Variants in SPAG16 observed in about 807,000 individuals in gnomAD.
The protein encoded by SPAG16 is sperm associated antigen 16, also known as sperm-associated antigen 16 protein.
SPAG16 carries 86 observed loss-of-function variants against 80.4 expected under a neutral mutation model. The ratio of observed to expected loss-of-function variants is 1.07; its 90% CI spans 0.90 to 1.28. The LOEUF is 1.28. SPAG16 is among the 50% of genes most tolerant of loss of function. SPAG16 has a pLI of 0.00. For missense variants in SPAG16, 870 were observed against 765.3 expected, an observed-to-expected ratio of 1.14 and a Z score of -1.61; for synonymous variants, 294 against 265.9, an observed-to-expected ratio of 1.11 and a Z score of -1.03.
chr2:214,272,106 T>C (rs974000597), intron 15 of SPAG16, among the ~76,000 whole-genome samples: 1 of 152,186 alleles, frequency 6.6e-6, no homozygotes, highest in Admixed American at 6.5e-5. Flanking sequence ...CAAAGTGTCA[T>C]ATCTGTGCCA....
intron 3 of SPAG16, among the ~76,000 whole-genome samples, chr2:213,308,301 G>C (rs906977372): frequency 3.3e-5 from 5 of 151,828 alleles, no homozygotes; most frequent in African/African-American, 9.7e-5. Context: ...AATTTCATTT[G>C]TTGCTTGCTG....
chr2:213,678,860 T>C (rs7607479), intron 10 of SPAG16, among the ~76,000 whole-genome samples: 62,848 of 151,964 alleles, frequency 0.41, 13,921 homozygotes, highest in African/African-American at 0.56. Flanking sequence ...GAGGACACTC[T>C]ACTCTTACCG....
rs2064143648 is a variant in SPAG16, at chr2:213,677,453, G to A, written c.1071-185032G>A. 2.6e-5 allele frequency among the ~76,000 whole-genome samples: 4 copies of A among 152,056 alleles called. No homozygotes were observed. In the South Asian group the frequency reaches 8.3e-4, roughly 32 times the overall value. On this transcript the variant is annotated intron_variant, in intron 10 of 15. Transcript: ENST00000331683. ...CCAAGCAAATGGAAAACAAAAAAAG[G>A]CAGGGGTTGCAATCCTAGTCTCTGA...
intron 15 of SPAG16, among the ~76,000 whole-genome samples, chr2:214,303,755 A>T (rs1694723786): frequency 6.6e-6 from 1 of 152,122 alleles, no homozygotes; most frequent in Admixed American, 6.6e-5. Flanking sequence ...TATAAGTTAT[A>T]GGTTTGTTCA....
At chr2:213,488,078 G>C (rs2074066263) in intron 9 of SPAG16, among the ~76,000 whole-genome samples, 1 of 151,982 alleles carries the variant, frequency 6.6e-6, no homozygotes, top group African/African-American at 2.4e-5. Flanking sequence ...TGACCTAGGT[G>C]TTACTTCTTT....
intron 10 of SPAG16, among the ~76,000 whole-genome samples, chr2:213,765,223 G>T (rs1342713255): frequency 6.6e-6 from 1 of 152,118 alleles, no homozygotes; most frequent in Non-Finnish European, 1.5e-5. Flanking sequence ...ACAAAAATTA[G>T]CTGGGCGTGG....
intron 12 of SPAG16, among the ~76,000 whole-genome samples, chr2:213,966,384 T>C (rs1466382404): frequency 6.6e-6 from 1 of 152,194 alleles, no homozygotes; most frequent in Non-Finnish European, 1.5e-5. Context: ...ATTAAAGAGT[T>C]AAAAGTATAT....
At chr2:214,081,165 G>T (rs2051374092) in intron 13 of SPAG16, among the ~76,000 whole-genome samples, 1 of 151,274 alleles carries the variant, frequency 6.6e-6, no homozygotes, top group Non-Finnish European at 1.5e-5. Flanking sequence ...TATCTCTTTT[G>T]CTTCACTGAA....
At chr2:213,740,590 C>G (rs1382565935) in intron 10 of SPAG16, among the ~76,000 whole-genome samples, 1 of 152,202 alleles carries the variant, frequency 6.6e-6, no homozygotes, top group Non-Finnish European at 1.5e-5. Context: ...TGAATAAACT[C>G]CAGGGGGAAG....
intron 10 of SPAG16, among the ~76,000 whole-genome samples, chr2:213,857,997 A>G (rs1035400399): frequency 6.6e-6 from 1 of 152,228 alleles, no homozygotes; most frequent in African/African-American, 2.4e-5. Flanking sequence ...TGAAAATGCG[A>G]TTCAATTGCT....
chr2:213,529,907 G>A (rs2076013545), intron 10 of SPAG16, among the ~76,000 whole-genome samples: 1 of 151,826 alleles, frequency 6.6e-6, no homozygotes, highest in Non-Finnish European at 1.5e-5. Flanking sequence ...GAAAGTTTTT[G>A]TTAAAAAGTA....
intron 11 of SPAG16, among the ~76,000 whole-genome samples, chr2:213,867,660 C>T (rs925551734): frequency 4.6e-5 from 7 of 152,116 alleles, no homozygotes; most frequent in Middle Eastern, 3.4e-3. Flanking sequence ...CAGTGGCTCA[C>T]GCCTGTAATC....
chr2:213,767,680 A>ACACACACAC (rs2069016435), intron 10 of SPAG16, among the ~76,000 whole-genome samples: 1 of 74,034 alleles, frequency 1.4e-5, no homozygotes, highest in Non-Finnish European at 3.5e-5. Flanking sequence ...CACACACACA[A>ACACACACAC]AATCAGATAT....
chr2:213,406,971 G>A lies in SPAG16; in HGVS notation c.942+31852G>A, dbSNP rs1021834010. The stretch of plus-strand genomic sequence containing the variant: ...AAAAAAAAAAAAGGGAAAAGAAACT[G>A]GCCAGCAACCTAGCTTAAAGGACTC... On this transcript the variant is annotated intron_variant, in intron 9 of 15. Transcript: ENST00000331683. Among the ~76,000 whole-genome samples, 7 of 151,242 alleles carry A rather than the reference G, an allele frequency of 4.6e-5. No individual in the cohort carries two copies. In the South Asian group the frequency reaches 1.5e-3, roughly 32 times the overall value.
intron 15 of SPAG16, among the ~76,000 whole-genome samples, chr2:214,196,729 A>C (rs1460990659): frequency 6.6e-6 from 1 of 152,076 alleles, no homozygotes. Context: ...AAATTTCTTA[A>C]TTTAATTGGA....
At chr2:213,515,266 A>T (rs1246317937) in intron 10 of SPAG16, among the ~76,000 whole-genome samples, 1 of 152,170 alleles carries the variant, frequency 6.6e-6, no homozygotes, top group Admixed American at 6.5e-5. Flanking sequence ...TTCAAACTGC[A>T]CTTTATCCTC....
At chr2:214,229,570 T>A (rs1329952537) in intron 15 of SPAG16, among the ~76,000 whole-genome samples, 1 of 151,826 alleles carries the variant, frequency 6.6e-6, no homozygotes. Context: ...AATTGAGTTT[T>A]CTTATTAGAA....
At chr2:213,355,203 G>C (rs2065568610) in intron 7 of SPAG16, among the ~76,000 whole-genome samples, 1 of 152,142 alleles carries the variant, frequency 6.6e-6, no homozygotes, top group African/African-American at 2.4e-5. Context: ...TGAGGCCTCT[G>C]TTCTGTTCCA....
chr2:213,512,695 C>A (rs750791002), intron 10 of SPAG16, among the ~76,000 whole-genome samples: 1 of 152,078 alleles, frequency 6.6e-6, no homozygotes, highest in African/African-American at 2.4e-5. Context: ...GCAGTTTCAC[C>A]AAACACTGCC....
Sources: allele counts gnomAD v4.1 joint callset (sites outside exome capture counted in the v4.1 genomes callset), GRCh38; gene constraint gnomAD v4.1.1; transcripts MANE v1.5; gene names NCBI Gene and HGNC (gene_info 2026-07-23, HGNC 2026-07-21).